The following ADGRL3 variants were observed in gnomAD, a reference collection of about 807,000 sequenced individuals.
The protein encoded by ADGRL3 is adhesion G protein-coupled receptor L3.
In ADGRL3, 62 loss-of-function variants were observed where a neutral mutation model predicts 153.5. That is an observed-to-expected ratio of 0.40 (90% CI 0.33 to 0.50). The LOEUF (loss-of-function observed/expected upper bound fraction) is 0.50. Among genes scored for constraint, ADGRL3 ranks in the 20% least tolerant of loss-of-function variants. The pLI is 0.47. For missense variants in ADGRL3, 1,641 were observed against 1,859.4 expected (o/e 0.88, Z 2.16); for synonymous variants, 710 against 672.5 (o/e 1.06, Z -0.86).
intron 13 of ADGRL3, among the ~76,000 whole-genome samples, chr4:61,924,623 T>G (rs1417712605): frequency 6.6e-6 from 1 of 152,276 alleles, no homozygotes; most frequent in East Asian, 1.9e-4. Context: ...TACTGTTTCC[T>G]TTCACTTTAC....
chr4:61,590,438 A>G (rs913318191), intron 5 of ADGRL3, among the ~76,000 whole-genome samples: 1 of 152,092 alleles, frequency 6.6e-6, no homozygotes, highest in East Asian at 1.9e-4. Context: ...CAGTTTAGCA[A>G]CTGGATAACT....
intron 2 of ADGRL3, among the ~76,000 whole-genome samples, chr4:61,443,334 TA>T (rs1448824188): frequency 1.3e-5 from 2 of 152,184 alleles, no homozygotes; most frequent in Non-Finnish European, 2.9e-5. Flanking sequence ...TATTTAATCT[TA>T]AAATTTAAGT....
chr4:61,960,095 T>C (rs1263372174), intron 17 of ADGRL3, among the ~76,000 whole-genome samples: 1 of 152,244 alleles, frequency 6.6e-6, no homozygotes. Context: ...ATCTTGAATA[T>C]TAACTTTATC....
chr4:61,921,069 C>T (rs1169348068), intron 13 of ADGRL3, among the ~76,000 whole-genome samples: 1 of 151,722 alleles, frequency 6.6e-6, no homozygotes, highest in East Asian at 2.0e-4. Context: ...AACTTTTGAA[C>T]CCTAGATATA....
intron 19 of ADGRL3, 91 bp downstream of exon 19, chr4:61,983,694 T>A (rs1242810183): frequency 1.8e-6 from 2 of 1,113,860 alleles, no homozygotes; most frequent in Non-Finnish European, 2.6e-6. Flanking sequence ...TACCTCACAG[T>A]GAAGAAACTG....
intron 21 of ADGRL3, among the ~76,000 whole-genome samples, chr4:62,015,582 A>C (rs905656612): frequency 2.0e-5 from 3 of 152,092 alleles, no homozygotes; most frequent in African/African-American, 7.2e-5. Flanking sequence ...CCTCCATTGA[A>C]TTTACTGCAT....
intron 5 of ADGRL3, among the ~76,000 whole-genome samples, chr4:61,622,667 T>C (rs902558118): frequency 6.6e-6 from 1 of 152,200 alleles, no homozygotes; most frequent in Non-Finnish European, 1.5e-5. Flanking sequence ...GCACTTTATG[T>C]GGATTATCTC....
chr4:61,864,363 G>T (rs1414920012), intron 9 of ADGRL3, among the ~76,000 whole-genome samples: 2 of 152,106 alleles, frequency 1.3e-5, no homozygotes, highest in African/African-American at 4.8e-5. Context: ...GAGCATGAAG[G>T]CAAACTAACT....
At chr4:61,214,463 T>C (rs1284840129) in intron 1 of ADGRL3, among the ~76,000 whole-genome samples, 3 of 152,204 alleles carry the variant, frequency 2.0e-5, no homozygotes, top group Non-Finnish European at 4.4e-5. Context: ...GTTCTAAAAT[T>C]TAAGTATGAA....
At chr4:61,961,581 T>C (rs1200420485) in intron 17 of ADGRL3, among the ~76,000 whole-genome samples, 1 of 152,106 alleles carries the variant, frequency 6.6e-6, no homozygotes, top group Non-Finnish European at 1.5e-5. Flanking sequence ...GAAGTTGTTG[T>C]GAATAGGAAA....
intron 3 of ADGRL3, 53 bp downstream of exon 3, chr4:61,497,401 A>AGTAT (rs1553945824): frequency 7.0e-6 from 8 of 1,139,640 alleles, no homozygotes; most frequent in Non-Finnish European, 1.0e-5. Flanking sequence ...ACTTATTCAT[A>AGTAT]CTGGACACTT....
At chr4:61,368,272 T>C (rs573018851) in intron 1 of ADGRL3, among the ~76,000 whole-genome samples, 1 of 152,356 alleles carries the variant, frequency 6.6e-6, no homozygotes, top group African/African-American at 2.4e-5. Context: ...TTGGCTTTTG[T>C]TGCCATTGCT....
At chr4:61,766,204 A>G (rs888981742) in intron 8 of ADGRL3, among the ~76,000 whole-genome samples, 2 of 152,080 alleles carry the variant, frequency 1.3e-5, no homozygotes, top group Non-Finnish European at 2.9e-5. Context: ...GAACAACGGT[A>G]ATTGTGGGAG....
intron 9 of ADGRL3, among the ~76,000 whole-genome samples, chr4:61,891,679 A>C (rs1030325078): frequency 6.6e-6 from 1 of 152,168 alleles, no homozygotes; most frequent in Non-Finnish European, 1.5e-5. Flanking sequence ...ACATCTCCTT[A>C]AACATGAGTG....
intron 1 of ADGRL3, among the ~76,000 whole-genome samples, chr4:61,336,760 C>T (rs778007437): frequency 2.6e-5 from 4 of 151,734 alleles, no homozygotes; most frequent in Admixed American, 6.6e-5. Context: ...CACTCCATTA[C>T]GACTGGGTTT....
At chr4:61,937,184 T>C (rs2098842822) in intron 15 of ADGRL3, among the ~76,000 whole-genome samples, 1 of 152,164 alleles carries the variant, frequency 6.6e-6, no homozygotes, top group African/African-American at 2.4e-5. Flanking sequence ...AAAGGGTTCT[T>C]CTGAAGCATA....
At chr4:61,477,673 T>C (rs2098082144) in intron 2 of ADGRL3, among the ~76,000 whole-genome samples, 1 of 152,146 alleles carries the variant, frequency 6.6e-6, no homozygotes, top group African/African-American at 2.4e-5. Flanking sequence ...TTCACTTGTC[T>C]TCAGGGATTT....
intron 2 of ADGRL3, among the ~76,000 whole-genome samples, chr4:61,410,652 A>AC (rs2097075233): frequency 6.6e-6 from 1 of 152,150 alleles, no homozygotes; most frequent in African/African-American, 2.4e-5. Context: ...TGGACAGGTG[A>AC]TCTCCAAGTG....
chr4:61,458,826 A>C (rs1440957714), intron 2 of ADGRL3, among the ~76,000 whole-genome samples: 1 of 151,432 alleles, frequency 6.6e-6, no homozygotes, highest in East Asian at 1.9e-4. Context: ...TTTATTTTAA[A>C]ATATTAAAAT....
Sources: allele counts gnomAD v4.1 joint callset (sites outside exome capture counted in the v4.1 genomes callset), GRCh38; gene constraint gnomAD v4.1.1; transcripts MANE v1.5; gene names NCBI Gene and HGNC (gene_info 2026-07-23, HGNC 2026-07-21).